MARCHF1: variants seen among roughly 807,000 people sequenced by gnomAD.
MARCHF1 encodes membrane associated ring-CH-type finger 1, also known as E3 ubiquitin-protein ligase MARCHF1.
A neutral mutation model predicts 54.2 loss-of-function variants in MARCHF1; 40 were observed. The ratio of observed to expected loss-of-function variants is 0.74; its 90% CI spans 0.57 to 0.96. The LOEUF (loss-of-function observed/expected upper bound fraction) is 0.96. Among genes scored for constraint, MARCHF1 ranks in the 40% least tolerant of loss-of-function variants. MARCHF1 has a pLI of 0.00. For missense variants in MARCHF1, 586 were observed against 656.5 expected (o/e 0.89, Z 1.17); for synonymous variants, 236 against 236.3 (o/e 1.00, Z 0.01).
intron 4 of MARCHF1, among the ~76,000 whole-genome samples, chr4:163,838,287 T>C: frequency 6.6e-6 from 1 of 152,088 alleles, no homozygotes; most frequent in East Asian, 1.9e-4. Flanking sequence ...CTTTAAATCA[T>C]CTCTAGATTA....
At chr4:164,070,702 A>T (rs532368386) in intron 2 of MARCHF1, among the ~76,000 whole-genome samples, 1 of 152,330 alleles carries the variant, frequency 6.6e-6, no homozygotes, top group East Asian at 1.9e-4. Flanking sequence ...CTCTTGCTAC[A>T]TATTAATAAA....
intron 8 of MARCHF1, among the ~76,000 whole-genome samples, chr4:163,554,491 C>T (rs1739219874): frequency 6.6e-6 from 1 of 152,194 alleles, no homozygotes; most frequent in Non-Finnish European, 1.5e-5. Context: ...GTAGTTAGGT[C>T]GAACAGGCTA....
In MARCHF1 at chr4:163,564,092, T is replaced by C. The variant is rs892368391; in HGVS notation, c.1192-18349A>G. 3.3e-5 allele frequency among the ~76,000 whole-genome samples: 5 copies of C among 152,284 alleles called. No individual in the cohort carries two copies. In the East Asian group the frequency reaches 9.6e-4, roughly 29 times the overall value. On this transcript the variant is annotated intron_variant, in intron 8 of 9. Transcript: ENST00000514618. ...ATTGTCCTTATGTTTGCCTTATGAG[T>C]TCACTTCACTCTCTTTTACCACAAC...
intron 1 of MARCHF1, among the ~76,000 whole-genome samples, chr4:164,380,369 G>T (rs1182512787): frequency 6.6e-6 from 1 of 152,130 alleles, no homozygotes; most frequent in Non-Finnish European, 1.5e-5. Context: ...TAGTTCATTT[G>T]CTATGCACTG....
chr4:163,545,403 AC>A (rs1047433413), intron 9 of MARCHF1, among the ~76,000 whole-genome samples, 192 bp downstream of exon 9: 3 of 152,112 alleles, frequency 2.0e-5, no homozygotes, highest in African/African-American at 7.2e-5. Flanking sequence ...TCAGCTTGGG[AC>A]TCCATATAGT....
chr4:163,947,391 GC>G lies in MARCHF1; in HGVS notation c.-39+41109del, dbSNP rs769426207. On this transcript the variant is annotated intron_variant, in intron 3 of 9. Transcript: ENST00000514618. ...TTTGTGAATATTATTCTTTTATGTGGCCAAAAGAATTCTGAAAATGTAATGA... is the reference window on the plus strand; with the variant it reads ...TTTGTGAATATTATTCTTTTATGTGGCAAAAGAATTCTGAAAATGTAATGA... 7.9e-5 allele frequency among the ~76,000 whole-genome samples: 12 copies of G among 152,226 alleles called. No individual in the cohort carries two copies. In the East Asian group the frequency reaches 1.9e-3, roughly 24 times the overall value.
intron 1 of MARCHF1, among the ~76,000 whole-genome samples, chr4:164,237,872 T>A (rs1232790811): frequency 6.6e-6 from 1 of 151,890 alleles, no homozygotes; most frequent in African/African-American, 2.4e-5. Flanking sequence ...CAACCTACTA[T>A]CTGTATTAAC....
chr4:164,236,923 C>A (rs951543046), intron 1 of MARCHF1, among the ~76,000 whole-genome samples: 2 of 152,116 alleles, frequency 1.3e-5, no homozygotes, highest in African/African-American at 2.4e-5. Flanking sequence ...TCTTCCACTT[C>A]TCTGGTCATT....
chr4:163,543,227 T>C (rs1738778470), intron 9 of MARCHF1, among the ~76,000 whole-genome samples: 1 of 152,130 alleles, frequency 6.6e-6, no homozygotes, highest in Non-Finnish European at 1.5e-5. Flanking sequence ...GGAGAAAGTC[T>C]AGTCAAGAAG....
At chr4:164,050,275 CAAAAAAAAAAAA>C (rs34642436) in intron 2 of MARCHF1, among the ~76,000 whole-genome samples, 56 of 40,196 alleles carry the variant, frequency 1.4e-3, no homozygotes, top group African/African-American at 5.3e-3. Context: ...ACACTGTCTC[CAAAAAAAAAAAA>C]AAAAAAAAAA....
chr4:163,813,800 T>C (rs1748459307), intron 4 of MARCHF1, among the ~76,000 whole-genome samples: 1 of 152,104 alleles, frequency 6.6e-6, no homozygotes, highest in African/African-American at 2.4e-5. Context: ...AAGCTGAGTG[T>C]TGGGAGAAGC....
chr4:163,620,606 C>CACAGAGAG (rs1282901525), intron 5 of MARCHF1, among the ~76,000 whole-genome samples: 7 of 56,942 alleles, frequency 1.2e-4, no homozygotes, highest in South Asian at 6.6e-4. Flanking sequence ...CACACACACA[C>CACAGAGAG]AGAGAGAGAG....
chr4:164,341,936 T>C lies in MARCHF1; in HGVS notation c.-323+41934A>G, dbSNP rs1239958290. On this transcript the variant is annotated intron_variant, in intron 1 of 9. Coordinates refer to ENST00000514618, the MANE Select transcript of MARCHF1 (RefSeq NM_001394959.1). ...AAATTTGTTGCATTCTATACACTAA[T>C]GTCCCAAAAAGAAATTAAGGAAACA... is the stretch of plus-strand genomic sequence containing the variant. Among the ~76,000 whole-genome samples the C allele has an allele frequency of 2.0e-5, 3 of 152,252 alleles. No homozygotes were observed. In the East Asian group the frequency reaches 5.8e-4, roughly 29 times the overall value.
At chr4:163,686,466 G>A (rs1292642388) in intron 5 of MARCHF1, among the ~76,000 whole-genome samples, 1 of 142,960 alleles carries the variant, frequency 7.0e-6, no homozygotes, top group South Asian at 2.6e-4. Context: ...AGTAATTGTG[G>A]GTTTTGCCAT....
At position 164,296,180 on chromosome 4, in the gene MARCHF1, T is replaced by C. The variant is rs116377205; in HGVS notation, c.-323+87690A>G. 4.5e-3 allele frequency among the ~76,000 whole-genome samples: 678 copies of C among 152,302 alleles called. 5 individuals are homozygous for C. The highest frequency in any genetic ancestry group is 0.016 in the African/African-American group (656 of 41,578). ...AACACTAGTTTATTTTTTCTATGGC[T>C]CAAAACCAGTGTCACCAAATCAATC... On this transcript the variant is annotated intron_variant, in intron 1 of 9. Coordinates refer to ENST00000514618, the MANE Select transcript of MARCHF1 (RefSeq NM_001394959.1).
intron 3 of MARCHF1, among the ~76,000 whole-genome samples, chr4:163,947,861 T>C (rs1000714980): frequency 1.3e-5 from 2 of 152,238 alleles, no homozygotes; most frequent in African/African-American, 4.8e-5. Context: ...TTCCATTTCA[T>C]ATCTAAGTAC....
At chr4:163,641,959 G>A (rs1742569830) in intron 5 of MARCHF1, among the ~76,000 whole-genome samples, 2 of 152,064 alleles carry the variant, frequency 1.3e-5, no homozygotes, top group African/African-American at 4.8e-5. Flanking sequence ...GTCCACCAGT[G>A]GAGACGTTGT....
At chr4:164,050,748 C>T (rs1754347021) in intron 2 of MARCHF1, among the ~76,000 whole-genome samples, 1 of 152,148 alleles carries the variant, frequency 6.6e-6, no homozygotes. Flanking sequence ...GCCTGACCAA[C>T]ATGGAGAAAC....
chr4:163,656,234 A>G (rs2111085417), intron 5 of MARCHF1, among the ~76,000 whole-genome samples: 1 of 152,148 alleles, frequency 6.6e-6, no homozygotes, highest in South Asian at 2.1e-4. Flanking sequence ...ATCACCACTG[A>G]TACCACAGAA....
Sources: allele counts gnomAD v4.1 joint callset (sites outside exome capture counted in the v4.1 genomes callset), GRCh38; gene constraint gnomAD v4.1.1; transcripts MANE v1.5; gene names NCBI Gene and HGNC (gene_info 2026-07-23, HGNC 2026-07-21).